The following RARB variants were observed in gnomAD, a reference collection of about 807,000 sequenced individuals.
RARB encodes the protein HBV-activated protein.
A neutral mutation model predicts 51.9 loss-of-function variants in RARB; 17 were observed. That is an observed-to-expected ratio of 0.33 (90% CI 0.22 to 0.49). The LOEUF is 0.49. Ranked by LOEUF, RARB falls within the 20% of genes least tolerant of loss-of-function variation. The probability of loss-of-function intolerance (pLI) is 0.99; values close to 1 mark genes in which losing one functional copy is unlikely to be tolerated. For synonymous variants in RARB, 215 were observed against 195.4 expected (o/e 1.10, Z -0.84); for missense variants, 369 against 550.8 (o/e 0.67, Z 3.30).
intron 1 of RARB, chr3:25,441,274 C>G: frequency 2.4e-6 from 1 of 411,208 alleles, no homozygotes; most frequent in Non-Finnish European, 4.7e-6. Flanking sequence ...GCACCAGTAG[C>G]TGCGCTCTGG....
At chr3:25,293,287 G>A (rs1464962692) in intron 5 of RARB, among the ~76,000 whole-genome samples, 1 of 152,106 alleles carries the variant, frequency 6.6e-6, no homozygotes, top group African/African-American at 2.4e-5. Flanking sequence ...TGGGCAGTGA[G>A]CACCTATCTG....
chr3:25,157,624 T>C (rs958607784), intron 4 of RARB, among the ~76,000 whole-genome samples: 1 of 152,162 alleles, frequency 6.6e-6, no homozygotes, highest in Non-Finnish European at 1.5e-5. Flanking sequence ...CTCAAACTCC[T>C]GGCCTCAAGC....
intron 5 of RARB, among the ~76,000 whole-genome samples, chr3:25,378,350 G>A (rs913925506): frequency 6.6e-6 from 1 of 152,152 alleles, no homozygotes; most frequent in Non-Finnish European, 1.5e-5. Context: ...CAGCTGAAGT[G>A]GCGTGATGCC....
chr3:25,084,877 T>G (rs1471976432), intron 3 of RARB, among the ~76,000 whole-genome samples: 1 of 152,128 alleles, frequency 6.6e-6, no homozygotes, highest in Non-Finnish European at 1.5e-5. Context: ...ATTTACCAGC[T>G]TGTATAAACC....
intron 5 of RARB, among the ~76,000 whole-genome samples, chr3:25,304,863 A>G (rs911325312): frequency 1.3e-5 from 2 of 152,204 alleles, no homozygotes; most frequent in African/African-American, 4.8e-5. Context: ...AGGTTCTGCC[A>G]AGACACAATA....
chr3:25,515,228 T>C (rs1698099305), intron 3 of RARB, among the ~76,000 whole-genome samples: 1 of 152,226 alleles, frequency 6.6e-6, no homozygotes. Flanking sequence ...GATTGAAGTG[T>C]GGTGCTTTAC....
At chr3:25,388,886 AG>A (rs1706869419) in intron 5 of RARB, among the ~76,000 whole-genome samples, 1 of 152,216 alleles carries the variant, frequency 6.6e-6, no homozygotes, top group African/African-American at 2.4e-5. Context: ...GAATGTTACT[AG>A]GTTTTTCTTC....
At chr3:25,086,261 T>G (rs1378632496) in intron 3 of RARB, among the ~76,000 whole-genome samples, 3 of 152,176 alleles carry the variant, frequency 2.0e-5, no homozygotes, top group Non-Finnish European at 2.9e-5. Flanking sequence ...CAATGGGCCA[T>G]CCATAGGAAA....
At chr3:24,919,729 T>C (rs1359629817) in intron 2 of RARB, among the ~76,000 whole-genome samples, 1 of 152,248 alleles carries the variant, frequency 6.6e-6, no homozygotes, top group East Asian at 1.9e-4. Flanking sequence ...CAATGTGCTC[T>C]TCTAATTCCT....
intron 3 of RARB, among the ~76,000 whole-genome samples, chr3:25,096,358 T>A (rs1699292332): frequency 6.6e-6 from 1 of 152,154 alleles, no homozygotes; most frequent in South Asian, 2.1e-4. Context: ...TAAGCATTTA[T>A]GTAAGACCAG....
At chr3:25,229,542 G>C (rs192940161) in intron 5 of RARB, among the ~76,000 whole-genome samples, 1 of 151,930 alleles carries the variant, frequency 6.6e-6, no homozygotes, top group Non-Finnish European at 1.5e-5. Context: ...TACCCCAACT[G>C]GGTATATTGT....
intron 1 of RARB, chr3:24,858,593 G>A (rs1416768315): frequency 6.6e-6 from 1 of 152,132 alleles, no homozygotes; most frequent in African/African-American, 2.4e-5. Context: ...TGAAGAAGCA[G>A]GCAAAGATTT....
At chr3:25,130,728 C>G (rs958278374) in intron 3 of RARB, among the ~76,000 whole-genome samples, 1 of 151,864 alleles carries the variant, frequency 6.6e-6, no homozygotes, top group African/African-American at 2.4e-5. Context: ...GCAGGAAATT[C>G]TAAGAGGCCA....
At chr3:25,585,592 C>T (rs1404646558) in intron 5 of RARB, among the ~76,000 whole-genome samples, 4 of 152,148 alleles carry the variant, frequency 2.6e-5, no homozygotes, top group Non-Finnish European at 4.4e-5. Context: ...ATATCAGCCC[C>T]GTGGGCAAAT....
chr3:25,320,138 C>T (rs979356894), intron 5 of RARB, among the ~76,000 whole-genome samples: 2 of 152,002 alleles, frequency 1.3e-5, no homozygotes, highest in Non-Finnish European at 1.5e-5. Context: ...TCACCCCAAC[C>T]TCTACAACAT....
chr3:25,229,619 A>C (rs1248690113), intron 5 of RARB, among the ~76,000 whole-genome samples: 1 of 152,062 alleles, frequency 6.6e-6, no homozygotes, highest in Non-Finnish European at 1.5e-5. Flanking sequence ...TGGAGTGTAC[A>C]TCAGTGAAAT....
intron 4 of RARB, among the ~76,000 whole-genome samples, chr3:25,134,947 T>C (rs1044711234): frequency 2.0e-5 from 3 of 151,966 alleles, no homozygotes; most frequent in Non-Finnish European, 4.4e-5. Context: ...TACTAATATA[T>C]GAAGATTAAA....
intron 2 of RARB, among the ~76,000 whole-genome samples, chr3:25,051,476 T>C (rs913739868): frequency 2.0e-5 from 3 of 152,080 alleles, no homozygotes; most frequent in Admixed American, 6.5e-5. Flanking sequence ...TGCATAAAAA[T>C]AGAAGAGAGG....
intron 5 of RARB, among the ~76,000 whole-genome samples, chr3:25,187,178 A>G (rs1057299787): frequency 6.6e-5 from 10 of 152,078 alleles, no homozygotes; most frequent in Non-Finnish European, 1.3e-4. Flanking sequence ...GGAAGAAGAC[A>G]ATGGCCTCTT....
Sources: gnomAD v4.1 joint callset for allele counts (sites outside exome capture counted in the v4.1 genomes callset) on GRCh38, gnomAD v4.1.1 for gene constraint, MANE v1.5 for transcripts, NCBI Gene and HGNC (gene_info 2026-07-23, HGNC 2026-07-21) for gene names.